Variants in PRTG observed in about 807,000 individuals in gnomAD.
PRTG encodes protogenin, also known as immunoglobulin superfamily, DCC subclass, member 5.
A neutral mutation model predicts 122.5 loss-of-function variants in PRTG; 67 were observed. The observed-to-expected ratio is 0.55, with a 90% CI of 0.45 to 0.67. The LOEUF (loss-of-function observed/expected upper bound fraction) is 0.67, where lower values mean the gene tolerates loss of function less well. Ranked by LOEUF, PRTG falls within the 30% of genes least tolerant of loss-of-function variation. PRTG has a pLI of 0.00. For missense variants in PRTG, 1,435 were observed against 1,415.4 expected, an observed-to-expected ratio of 1.01 and a Z score of -0.22; for synonymous variants, 554 against 501.1, an observed-to-expected ratio of 1.11 and a Z score of -1.41.
At chr15:55,658,308 T>A (rs188520546) in intron 11 of PRTG, among the ~76,000 whole-genome samples, 4 of 152,114 alleles carry the variant, frequency 2.6e-5, no homozygotes, top group Non-Finnish European at 4.4e-5. Context: ...ATGCGCATTA[T>A]TGTTTTTATT....
intron 2 of PRTG, among the ~76,000 whole-genome samples, chr15:55,736,705 C>A (rs1006325321): frequency 6.6e-6 from 1 of 152,100 alleles, no homozygotes; most frequent in Admixed American, 6.6e-5. Context: ...TACAATAATT[C>A]CTATGCTCTT....
rs988530292 is a variant in PRTG at position 55,678,912 on chromosome 15, G to A, written c.1133+374C>T. On this transcript the variant is annotated intron_variant, in intron 7 of 19. Transcript: ENST00000389286. ...CATTAACTATAGAGAAATTATTAGA[G>A]AATTATTTCTTCTAATTTCCTCATT... is the stretch of plus-strand genomic sequence containing the variant. Among the ~76,000 whole-genome samples the A allele has an allele frequency of 2.0e-5, 3 of 152,232 alleles. No individual in the cohort carries two copies. The South Asian group carries it at 6.2e-4, about 32-fold the overall frequency.
rs1386744982 is a variant in PRTG, at chr15:55,614,867, T to C, written c.*5145A>G. The stretch of plus-strand genomic sequence containing the variant: ...GGATCAGAATTCCACAGAAAGAATG[T>C]ACCTGTTGTGGGCAAAATACTGGCC... On this transcript the variant is annotated 3_prime_UTR_variant, in exon 20 of 20. Coordinates refer to ENST00000389286, the MANE Select transcript of PRTG (RefSeq NM_173814.6). 4 of 152,242 alleles carry C rather than the reference T, an allele frequency of 2.6e-5. No individual in the cohort carries two copies. In the East Asian group the frequency reaches 7.7e-4, roughly 29 times the overall value. 9.4% of individuals were successfully genotyped at this position (152,242 alleles called of 1,614,324 possible). A position where few individuals can be genotyped will look rare whatever the true frequency, so the allele number is the denominator to read the frequency against.
intron 2 of PRTG, among the ~76,000 whole-genome samples, chr15:55,687,041 CAG>C (rs1482297808): frequency 2.6e-5 from 4 of 152,170 alleles, no homozygotes; most frequent in Non-Finnish European, 5.9e-5. Flanking sequence ...GGGGCAGCAG[CAG>C]GTCATGTTCT....
In PRTG at chr15:55,718,437, C is replaced by G. The variant is rs1423555258; in HGVS notation, c.397+21945G>C. Among the ~76,000 whole-genome samples, 4 of 152,006 alleles carry G rather than the reference C, an allele frequency of 2.6e-5. No homozygotes were observed. In the South Asian group the frequency reaches 6.2e-4, roughly 24 times the overall value. ...AGCGTTGCTGAGTCTTTCTAACCTT[C>G]CTTTTCTACACCTTGTGACCCCCAC... is the stretch of plus-strand genomic sequence containing the variant. On this transcript the variant is annotated intron_variant, in intron 2 of 19. Transcript: ENST00000389286.
chr15:55,620,940 T>A (rs1381393718), intron 18 of PRTG, among the ~76,000 whole-genome samples, 173 bp from the exon 19 acceptor site: 2 of 152,214 alleles, frequency 1.3e-5, no homozygotes, highest in African/African-American at 4.8e-5. Flanking sequence ...GTGGGGTACA[T>A]ATTGTGTGGT....
At chr15:55,684,797 G>A (rs1028730845) in intron 2 of PRTG, among the ~76,000 whole-genome samples, 3 of 152,118 alleles carry the variant, frequency 2.0e-5, no homozygotes, top group African/African-American at 7.2e-5. Flanking sequence ...AGATGAAGCT[G>A]GTAATGAAGG....
Position 55,617,493 on chromosome 15 carries a change from C to T in PRTG, c.*2519G>A, listed in dbSNP as rs1023769463. Reference sequence around the variant, plus strand: ...TGTGTAAGTTTCATATCTATAAATGCTTCTAGTTAATTCAATTTGGGGGGA... The same window carrying T: ...TGTGTAAGTTTCATATCTATAAATGTTTCTAGTTAATTCAATTTGGGGGGA... On this transcript the variant is annotated 3_prime_UTR_variant, in exon 20 of 20. Transcript: ENST00000389286. 1.9e-4 allele frequency: 29 copies of T among 152,028 alleles called. No homozygotes were observed. Among genetic ancestry groups the T allele is most frequent in the African/African-American group, 7.0e-4 (29 of 41,474 alleles). The allele number at this position is 152,028 out of a possible 1,614,324, so 9.4% of individuals were successfully genotyped here. A position where few individuals can be genotyped will look rare whatever the true frequency, so the allele number is the denominator to read the frequency against.
intron 2 of PRTG, among the ~76,000 whole-genome samples, chr15:55,722,281 T>C (rs1390435221): frequency 6.6e-6 from 1 of 152,260 alleles, no homozygotes; most frequent in Non-Finnish European, 1.5e-5. Context: ...TGCACAACTA[T>C]ACTGTTTTAA....
chr15:55,670,760 GCTT>G (rs1567092045), intron 11 of PRTG, among the ~76,000 whole-genome samples: 1 of 152,084 alleles, frequency 6.6e-6, no homozygotes, highest in Non-Finnish European at 1.5e-5. Context: ...AATTAGCTGG[GCTT>G]GGTGGTGCAT....
intron 2 of PRTG, among the ~76,000 whole-genome samples, chr15:55,716,147 C>T (rs894307305): frequency 6.6e-6 from 1 of 152,166 alleles, no homozygotes; most frequent in African/African-American, 2.4e-5. Context: ...ACGGGAGAAT[C>T]GCTTGAACCC....
chr15:55,712,648 G>A (rs183530039), intron 2 of PRTG, among the ~76,000 whole-genome samples: 6 of 152,228 alleles, frequency 3.9e-5, no homozygotes, highest in Admixed American at 6.5e-5. Flanking sequence ...AAACAATTTA[G>A]TGCCAAGTAC....
chr15:55,681,611 G>A (rs2059538683), intron 4 of PRTG: 1 of 151,672 alleles, frequency 6.6e-6, no homozygotes, highest in African/African-American at 2.4e-5. Context: ...TTTTATTTTT[G>A]TGTTTTTAAA....
At position 55,619,723 on chromosome 15, in the gene PRTG, T is replaced by G; in HGVS notation, c.*289A>C. 2.8e-6 allele frequency: 1 copy of G among 354,094 alleles called. No homozygotes were observed. The highest frequency in any genetic ancestry group is 5.1e-6 in the Non-Finnish European group (1 of 197,596). The allele number at this position is 354,094 out of a possible 1,614,324, so 21.9% of individuals were successfully genotyped here. ...AATGAAACATTCAAATTACACAAGT[T>G]TAAAAATAAAAAACAAAACACATTC... is the stretch of plus-strand genomic sequence containing the variant. On this transcript the variant is annotated 3_prime_UTR_variant, in exon 20 of 20. Coordinates refer to ENST00000389286, the MANE Select transcript of PRTG (RefSeq NM_173814.6).
intron 18 of PRTG, among the ~76,000 whole-genome samples, chr15:55,621,762 TATATATTCCA>T (rs1054399540): frequency 3.9e-5 from 6 of 152,320 alleles, no homozygotes; most frequent in African/African-American, 1.4e-4. Flanking sequence ...ATACATAAAA[TATATATTCCA>T]AAACACATTA....
chr15:55,620,067 G>C lies in PRTG; in HGVS notation c.3398C>G (p.Ser1133Cys). 1 of 1,614,158 alleles carries C rather than the reference G, an allele frequency of 6.2e-7. No individual in the cohort carries two copies. The highest frequency in any genetic ancestry group is 8.5e-7 in the Non-Finnish European group (1 of 1,180,036). ...TGDSGRFSHESNDEIHLSSVI... is the reference protein window; with the variant it reads ...TGDSGRFSHECNDEIHLSSVI... ...TGAGGACAGATGTATCTCATCGTTG[G>C]ACTCATGAGAAAACCGCCCAGAATC... The change falls in exon 20 of 20, where the codon TCC becomes TGC. Residue 1133 changes from serine (S) to cysteine (C), a missense_variant. Coordinates refer to ENST00000389286, the MANE Select transcript of PRTG (RefSeq NM_173814.6).
rs570589062 is a variant in PRTG, at chr15:55,615,506, G to A, written c.*4506C>T. The stretch of plus-strand genomic sequence containing the variant: ...AAATCAACTTAACACAGAACTCTAC[G>A]GTTACATTCTTCTAAACATCAATAA... On this transcript the variant is annotated 3_prime_UTR_variant, in exon 20 of 20. Coordinates refer to ENST00000389286, the MANE Select transcript of PRTG (RefSeq NM_173814.6). 10 of 152,060 alleles carry A rather than the reference G, an allele frequency of 6.6e-5. No individual in the cohort carries two copies. The South Asian group carries it at 1.0e-3, about 16-fold the overall frequency. The allele number at this position is 152,060 out of a possible 1,614,324, so 9.4% of individuals were successfully genotyped here. A position where few individuals can be genotyped will look rare whatever the true frequency, so the allele number is the denominator to read the frequency against.
Position 55,613,647 on chromosome 15 carries a change from T to G in PRTG, c.*6365A>C, listed in dbSNP as rs997753528. The G allele has an allele frequency of 6.6e-6, 1 of 152,086 alleles. No homozygotes were observed. The highest frequency in any genetic ancestry group is 6.6e-5 in the Admixed American group (1 of 15,246). 9.4% of individuals were successfully genotyped at this position (152,086 alleles called of 1,614,324 possible). ...TAGTCTTCTCTTTTTCGATTGGTTA[T>G]TACTCTGTAGAAAGGTTGTTCTGAC... On this transcript the variant is annotated 3_prime_UTR_variant, in exon 20 of 20. Coordinates refer to ENST00000389286, the MANE Select transcript of PRTG (RefSeq NM_173814.6).
rs916830513 is a variant in PRTG, at chr15:55,616,233, A to C, written c.*3779T>G. On this transcript the variant is annotated 3_prime_UTR_variant, in exon 20 of 20. Coordinates refer to ENST00000389286, the MANE Select transcript of PRTG (RefSeq NM_173814.6). ...TTTGAAAACTGAGCTCCTTTGGTGC[A>C]ATGCAAACATTTCAATTTAACAACT... The C allele has an allele frequency of 2.0e-5, 3 of 152,274 alleles. No individual in the cohort carries two copies. In the East Asian group the frequency reaches 5.8e-4, roughly 29 times the overall value. 9.4% of individuals were successfully genotyped at this position (152,274 alleles called of 1,614,324 possible). A position where few individuals can be genotyped will look rare whatever the true frequency, so the allele number is the denominator to read the frequency against.
Sources: gnomAD v4.1 joint callset for allele counts (sites outside exome capture counted in the v4.1 genomes callset) on GRCh38, gnomAD v4.1.1 for gene constraint, MANE v1.5 for transcripts, NCBI Gene and HGNC (gene_info 2026-07-23, HGNC 2026-07-21) for gene names.